The following ZFHX3 variants were observed in gnomAD, a reference collection of about 807,000 sequenced individuals.
The protein encoded by ZFHX3 is zinc finger homeobox 3.
A neutral mutation model predicts 279.1 loss-of-function variants in ZFHX3; 42 were observed. That is an observed-to-expected ratio of 0.15 (90% CI 0.12 to 0.19). The LOEUF (loss-of-function observed/expected upper bound fraction) is 0.19, where lower values mean the gene tolerates loss of function less well. Ranked by LOEUF, ZFHX3 falls within the 10% of genes least tolerant of loss-of-function variation. The pLI, the probability that ZFHX3 is intolerant of heterozygous loss-of-function variation, is 1.00. For missense variants in ZFHX3, 4,981 were observed against 4,754.0 expected, an observed-to-expected ratio of 1.05 and a Z score of -1.40; for synonymous variants, 2,293 against 1,957.8, an observed-to-expected ratio of 1.17 and a Z score of -4.52.
intron 1 of ZFHX3, among the ~76,000 whole-genome samples, chr16:73,815,249 C>T (rs566112335): frequency 2.0e-5 from 3 of 152,334 alleles, no homozygotes; most frequent in African/African-American, 7.2e-5. Flanking sequence ...TGTGTCTTTT[C>T]AAAGCTCACA....
At chr16:73,694,138 C>T (rs986977569) in intron 1 of ZFHX3, among the ~76,000 whole-genome samples, 1 of 151,716 alleles carries the variant, frequency 6.6e-6, no homozygotes. Context: ...GCCTGGCCAG[C>T]ATGGTGAAAC....
chr16:72,990,545 C>T (rs1054433395), intron 1 of ZFHX3, among the ~76,000 whole-genome samples: 2 of 152,332 alleles, frequency 1.3e-5, no homozygotes, highest in South Asian at 4.1e-4. Flanking sequence ...CTTGCTGTAG[C>T]TGCTGAGCGA....
chr16:73,884,319 A>T (rs1271110127), intron 1 of ZFHX3, among the ~76,000 whole-genome samples: 1 of 152,176 alleles, frequency 6.6e-6, no homozygotes, highest in Non-Finnish European at 1.5e-5. Flanking sequence ...ATGTGGGCCA[A>T]TAAAGAAGTC....
At chr16:73,712,071 C>G (rs899828275) in intron 1 of ZFHX3, among the ~76,000 whole-genome samples, 27 of 152,212 alleles carry the variant, frequency 1.8e-4, no homozygotes, top group African/African-American at 6.5e-4. Context: ...ATACCTGTGG[C>G]TCATACGGAG....
rs1555502334 is a variant in ZFHX3, at chr16:73,168,215, CTTTCTT to C, written c.-1103-24390_-1103-24385del. Among the ~76,000 whole-genome samples the C allele has an allele frequency of 3.6e-3, 334 of 92,502 alleles. 2 individuals are homozygous for C. The highest frequency in any genetic ancestry group is 0.014 in the African/African-American group (313 of 21,596). 60.7% of individuals were successfully genotyped at this position (92,502 alleles called of 152,430 possible). ...TTAACACTATAGTTTCTTTTGTTTT[CTTTCTT>C]TCTTTCTTTCTTTCTTTCTTTCTTT... On this transcript the variant is annotated intron_variant, in intron 5 of 17. Transcript: ENST00000641206.
chr16:73,382,801 A>AACAATTTGTTTC (rs2016837789), intron 3 of ZFHX3, among the ~76,000 whole-genome samples: 1 of 152,212 alleles, frequency 6.6e-6, no homozygotes, highest in African/African-American at 2.4e-5. Flanking sequence ...TCAACTTTCA[A>AACAATTTGTTTC]TAGAAACAAA....
At chr16:73,235,775 C>T (rs979339751) in intron 5 of ZFHX3, among the ~76,000 whole-genome samples, 3 of 152,010 alleles carry the variant, frequency 2.0e-5, no homozygotes, top group African/African-American at 7.2e-5. Context: ...TGGGCTCAAG[C>T]AATCCTCCCA....
At chr16:73,058,879 C>T (rs1474746841) in exon 1 of ZFHX3, 4 of 159,876 alleles carry the variant, frequency 2.5e-5, no homozygotes, top group African/African-American at 5.1e-5. Flanking sequence ...GCGGCGGCGG[C>T]GGCGGCAGCG....
chr16:73,749,586 C>T (rs1047003120), intron 1 of ZFHX3, among the ~76,000 whole-genome samples: 1 of 152,134 alleles, frequency 6.6e-6, no homozygotes, highest in Admixed American at 6.5e-5. Flanking sequence ...CAGAATAACA[C>T]AACAAAGACC....
intron 3 of ZFHX3, among the ~76,000 whole-genome samples, chr16:73,322,833 T>A (rs961798882): frequency 1.3e-5 from 2 of 152,234 alleles, no homozygotes; most frequent in African/African-American, 4.8e-5. Flanking sequence ...AAGGAGTTTA[T>A]AATTTAGTTG....
intron 3 of ZFHX3, among the ~76,000 whole-genome samples, chr16:72,910,642 T>C: frequency 6.6e-6 from 1 of 152,306 alleles, no homozygotes; most frequent in Middle Eastern, 3.4e-3. Context: ...AGGAGAGAGA[T>C]AATCTAGAGA....
chr16:72,927,684 C>T (rs912255488), intron 3 of ZFHX3, among the ~76,000 whole-genome samples: 62 of 152,094 alleles, frequency 4.1e-4, no homozygotes, highest in Admixed American at 5.2e-4. Flanking sequence ...CCTCCGGAGC[C>T]GCCCGGGGGA....
At chr16:73,552,955 C>A (rs1036325946) in intron 2 of ZFHX3, among the ~76,000 whole-genome samples, 2 of 152,184 alleles carry the variant, frequency 1.3e-5, no homozygotes, top group Admixed American at 6.5e-5. Flanking sequence ...CATTCACATC[C>A]ACAGTCTGAG....
chr16:73,707,217 C>T (rs957380897), intron 1 of ZFHX3, among the ~76,000 whole-genome samples: 2 of 152,150 alleles, frequency 1.3e-5, no homozygotes, highest in African/African-American at 4.8e-5. Context: ...AACCACTCTC[C>T]AGCCAGGGTA....
intron 1 of ZFHX3, among the ~76,000 whole-genome samples, chr16:73,819,737 C>A (rs1464673826): frequency 3.3e-5 from 5 of 152,164 alleles, no homozygotes; most frequent in African/African-American, 1.2e-4. Flanking sequence ...GTGGGTCATG[C>A]TCCACAGGGA....
At chr16:73,759,467 G>A (rs892280856) in intron 1 of ZFHX3, among the ~76,000 whole-genome samples, 2 of 152,136 alleles carry the variant, frequency 1.3e-5, no homozygotes, top group Non-Finnish European at 2.9e-5. Flanking sequence ...ATGTACACTG[G>A]GAAGCCCATA....
At chr16:73,528,825 A>G (rs2019741020) in intron 2 of ZFHX3, among the ~76,000 whole-genome samples, 1 of 152,200 alleles carries the variant, frequency 6.6e-6, no homozygotes, top group Non-Finnish European at 1.5e-5. Context: ...GCACCATGGG[A>G]ATCACACACA....
chr16:73,417,396 C>CTTTTTTTT (rs57283343), intron 3 of ZFHX3, among the ~76,000 whole-genome samples: 58 of 118,726 alleles, frequency 4.9e-4, no homozygotes, highest in African/African-American at 1.3e-3. Flanking sequence ...TTTTTCTTTT[C>CTTTTTTTT]TTTTTTTTTT....
chr16:73,823,690 T>G (rs1202248847), intron 1 of ZFHX3, among the ~76,000 whole-genome samples: 1 of 152,144 alleles, frequency 6.6e-6, no homozygotes, highest in Non-Finnish European at 1.5e-5. Flanking sequence ...ACGGAGACCA[T>G]CAGACCCGCA....
Sources: gnomAD v4.1 joint callset for allele counts (sites outside exome capture counted in the v4.1 genomes callset) on GRCh38, gnomAD v4.1.1 for gene constraint, MANE v1.5 for transcripts, NCBI Gene and HGNC (gene_info 2026-07-23, HGNC 2026-07-21) for gene names.